CNTN4: variants seen among roughly 807,000 people sequenced by gnomAD.
CNTN4 encodes contactin-4.
CNTN4 carries 77 observed loss-of-function variants against 122.5 expected under a neutral mutation model. The observed-to-expected ratio is 0.63, with a 90% confidence interval of 0.52 to 0.76. The LOEUF is 0.76. Ranked by LOEUF, CNTN4 falls within the 30% of genes least tolerant of loss-of-function variation. The probability of loss-of-function intolerance (pLI) is 0.00; values close to 1 mark genes in which losing one functional copy is unlikely to be tolerated. For synonymous variants in CNTN4, 512 were observed against 447.0 expected (o/e 1.15, Z -1.83); for missense variants, 1,256 against 1,259.1 (o/e 1.00, Z 0.04).
chr3:2,248,913 G>T (rs956189115), intron 2 of CNTN4, among the ~76,000 whole-genome samples: 1 of 151,884 alleles, frequency 6.6e-6, no homozygotes, highest in African/African-American at 2.4e-5. Flanking sequence ...AATGGAAAAG[G>T]CTACAATGCA....
chr3:2,461,233 GAT>G lies in CNTN4; in HGVS notation c.-88-110180_-88-110179del, dbSNP rs371689709. Among the ~76,000 whole-genome samples, 360 of 152,188 alleles carry G rather than the reference GAT, an allele frequency of 2.4e-3. 2 individuals are homozygous for G. Among genetic ancestry groups the G allele is most frequent in the African/African-American group, 8.2e-3 (342 of 41,530 alleles). The stretch of plus-strand genomic sequence containing the variant: ...TAACTTAGTTCTCCTCCCTTGTACA[GAT>G]ATGTGTATTTTTAAATCTAGAAATG... On this transcript the variant is annotated intron_variant, in intron 3 of 24. Transcript: ENST00000418658.
chr3:2,416,004 G>C (rs1252945939), intron 3 of CNTN4, among the ~76,000 whole-genome samples: 2 of 152,058 alleles, frequency 1.3e-5, no homozygotes, highest in Non-Finnish European at 2.9e-5. Flanking sequence ...GAATTGTTTA[G>C]TCAATCAATA....
intron 4 of CNTN4, among the ~76,000 whole-genome samples, chr3:2,603,159 G>A (rs532970409): frequency 1.3e-5 from 2 of 152,008 alleles, no homozygotes; most frequent in South Asian, 4.2e-4. Context: ...CATTTAGGAT[G>A]GAACAAAGTT....
At chr3:2,623,231 ATT>A (rs11315990) in intron 4 of CNTN4, among the ~76,000 whole-genome samples, 109 of 146,674 alleles carry the variant, frequency 7.4e-4, no homozygotes, top group African/African-American at 2.5e-3. Flanking sequence ...ATGGAGACTA[ATT>A]TTTTTTTTTT....
At chr3:2,802,378 G>C (rs771644075) in intron 6 of CNTN4, among the ~76,000 whole-genome samples, 2 of 152,178 alleles carry the variant, frequency 1.3e-5, no homozygotes, top group Non-Finnish European at 2.9e-5. Flanking sequence ...GCTTTTTGCT[G>C]TCTGTTTAGT....
At chr3:2,435,422 A>G (rs549931838) in intron 3 of CNTN4, among the ~76,000 whole-genome samples, 5 of 152,266 alleles carry the variant, frequency 3.3e-5, no homozygotes, top group Middle Eastern at 3.4e-3. Flanking sequence ...TTAGGGAATA[A>G]TGATGAGGGG....
At chr3:2,156,246 T>C (rs2035713970) in intron 2 of CNTN4, among the ~76,000 whole-genome samples, 2 of 152,112 alleles carry the variant, frequency 1.3e-5, no homozygotes, top group Admixed American at 6.5e-5. Flanking sequence ...AGGTGGCTGT[T>C]TGTGGGATTC....
chr3:2,303,026 A>G (rs1299404710), intron 2 of CNTN4, among the ~76,000 whole-genome samples: 1 of 152,166 alleles, frequency 6.6e-6, no homozygotes, highest in Non-Finnish European at 1.5e-5. Flanking sequence ...ATTGTCCTTC[A>G]CAGTTTACAT....
At chr3:2,952,508 T>G (rs889531162) in intron 13 of CNTN4, among the ~76,000 whole-genome samples, 1 of 152,238 alleles carries the variant, frequency 6.6e-6, no homozygotes, top group Non-Finnish European at 1.5e-5. Context: ...TTTTGTTACA[T>G]GCATTTTTAG....
intron 4 of CNTN4, among the ~76,000 whole-genome samples, chr3:2,573,755 T>C (rs968082167): frequency 2.0e-5 from 3 of 152,216 alleles, no homozygotes; most frequent in African/African-American, 7.2e-5. Flanking sequence ...GTATTGATTG[T>C]TTTTGTGAGG....
At chr3:2,570,122 C>T (rs1473790419) in intron 3 of CNTN4, among the ~76,000 whole-genome samples, 1 of 151,992 alleles carries the variant, frequency 6.6e-6, no homozygotes, top group African/African-American at 2.4e-5. Context: ...CTTCATGTTG[C>T]AATCCTTCAG....
chr3:2,534,495 A>C (rs1421867389), intron 3 of CNTN4, among the ~76,000 whole-genome samples: 2 of 151,988 alleles, frequency 1.3e-5, no homozygotes, highest in African/African-American at 4.8e-5. Context: ...TTAAGAATGG[A>C]GGTTGCATCC....
chr3:2,830,485 T>G (rs1483763174), intron 7 of CNTN4, among the ~76,000 whole-genome samples: 1 of 152,186 alleles, frequency 6.6e-6, no homozygotes, highest in African/African-American at 2.4e-5. Context: ...GAGCTTTTTC[T>G]TTTGGAGTTG....
intron 7 of CNTN4, among the ~76,000 whole-genome samples, chr3:2,834,270 T>A (rs775210861): frequency 3.3e-5 from 5 of 151,668 alleles, no homozygotes; most frequent in Non-Finnish European, 5.9e-5. Flanking sequence ...GACAATAAAA[T>A]CAAAGAAGTT....
chr3:2,976,534 G>T (rs1407269996), intron 13 of CNTN4, among the ~76,000 whole-genome samples: 2 of 152,080 alleles, frequency 1.3e-5, no homozygotes, highest in Non-Finnish European at 2.9e-5. Context: ...TACACGGAAA[G>T]GTCAATGACA....
intron 2 of CNTN4, among the ~76,000 whole-genome samples, chr3:2,267,821 A>T (rs892637698): frequency 3.3e-5 from 5 of 152,048 alleles, no homozygotes; most frequent in African/African-American, 1.2e-4. Context: ...GTCACAGGGA[A>T]CTTTCTATCT....
At chr3:2,460,446 A>G (rs1294384465) in intron 3 of CNTN4, among the ~76,000 whole-genome samples, 1 of 152,080 alleles carries the variant, frequency 6.6e-6, no homozygotes, top group East Asian at 1.9e-4. Flanking sequence ...CACCATCAGC[A>G]CTGTGAGGCC....
At chr3:2,142,404 G>A (rs1045603113) in intron 2 of CNTN4, among the ~76,000 whole-genome samples, 4 of 147,326 alleles carry the variant, frequency 2.7e-5, no homozygotes, top group Non-Finnish European at 4.5e-5. Context: ...TCATTCTGTC[G>A]CCCAGGCTGG....
intron 2 of CNTN4, among the ~76,000 whole-genome samples, chr3:2,196,960 G>A (rs759247849): frequency 2.7e-5 from 4 of 150,306 alleles, no homozygotes; most frequent in Non-Finnish European, 4.4e-5. Context: ...CAGGAGAATC[G>A]CTTGAACCCA....
Sources: gnomAD v4.1 joint callset for allele counts (sites outside exome capture counted in the v4.1 genomes callset) on GRCh38, gnomAD v4.1.1 for gene constraint, MANE v1.5 for transcripts, NCBI Gene and HGNC (gene_info 2026-07-23, HGNC 2026-07-21) for gene names.